Variants in PRX observed in about 807,000 individuals in gnomAD.
PRX encodes periaxin.
PRX carries 24 observed loss-of-function variants against 29.6 expected under a neutral mutation model. The ratio of observed to expected loss-of-function variants is 0.81; its 90% CI spans 0.59 to 1.14. The LOEUF is 1.14. Among genes scored for constraint, PRX ranks in the 50% most tolerant of loss-of-function variants. The pLI is 0.00. For missense variants in PRX, 1,838 were observed against 1,926.4 expected (o/e 0.95, Z 0.86); for synonymous variants, 772 against 831.7 (o/e 0.93, Z 1.24).
In PRX at chr19:40,397,429, G is replaced by T. The variant is rs763693439; in HGVS notation, c.923C>A (p.Thr308Lys). Residue 308 changes from threonine (T) to lysine (K), a missense_variant, in exon 7 of 7, where the codon ACA becomes AAA. Physicochemically the swap from Thr to Lys is moderately conservative, Grantham distance 78 (BLOSUM62 -1). Coordinates refer to ENST00000324001, the MANE Select transcript of PRX (RefSeq NM_181882.3). ...PALPSLPTLP[T>K]LPCLETREGA... ...TTCCCGGGTCTCTAGGCAGGGAAGT[G>T]TGGGCAGAGTGGGCAGTGAGGGCAA... The T allele has an allele frequency of 6.3e-7, 1 of 1,599,570 alleles. No individual in the cohort carries two copies. The highest frequency in any genetic ancestry group is 8.5e-7 in the Non-Finnish European group (1 of 1,174,058).
chr19:40,403,518 A>G (rs542511916), intron 5 of PRX, among the ~76,000 whole-genome samples, 188 bp downstream of exon 5: 5 of 152,232 alleles, frequency 3.3e-5, no homozygotes, highest in African/African-American at 9.6e-5. Context: ...TGAAATTCGC[A>G]CCCAGACAGT....
chr19:40,397,107 C>T lies in PRX; in HGVS notation c.1245G>A (p.Leu415=). 6.2e-7 allele frequency: 1 copy of T among 1,614,146 alleles called. No individual in the cohort carries two copies. The highest frequency in any genetic ancestry group is 2.2e-5 in the East Asian group (1 of 44,884). The part of the protein sequence containing the change: ...PAAPEVVESK[L]KLPTIKMPSL... The stretch of plus-strand genomic sequence containing the variant: ...AGGGCATCTTGATGGTGGGCAGCTT[C>T]AGCTTGCTCTCTACAACTTCAGGAG... The change falls in exon 7 of 7, where the codon CTG becomes CTA. Residue 415 remains leucine (L), a synonymous_variant. Coordinates refer to ENST00000324001, the MANE Select transcript of PRX (RefSeq NM_181882.3).
At position 40,395,413 on chromosome 19, in the gene PRX, G is replaced by A; in HGVS notation, c.2939C>T (p.Ala980Val). Residue 980 changes from alanine to valine, a missense_variant, in exon 7 of 7, where the codon GCT (alanine) becomes GTT (valine). Around this residue, in one of 3 missense-constraint regions of PRX, gnomAD observed 1,143 missense variants for 1,193.0 expected, o/e 0.96. Coordinates refer to ENST00000324001, the MANE Select transcript of PRX (RefSeq NM_181882.3). ...RVGAEAEAKG[A>V]GEAGLLPALD... ...GGCAGGCAGCAGGCCTGCCTCCCCA[G>A]CCCCTTTGGCCTCAGCCTCAGCCCC... The A allele has an allele frequency of 6.2e-7, 1 of 1,613,938 alleles. No individual in the cohort carries two copies. The highest frequency in any genetic ancestry group is 8.5e-7 in the Non-Finnish European group (1 of 1,179,966).
intron 1 of PRX, among the ~76,000 whole-genome samples, chr19:40,408,786 A>G (rs1002049772): frequency 2.7e-5 from 4 of 149,582 alleles, no homozygotes; most frequent in African/African-American, 1.0e-4. Context: ...GCATGCCACA[A>G]CACCCGGCTA....
rs2079462767 is a variant in PRX, at chr19:40,398,410, G to A, written c.381+210C>T. On this transcript the variant is annotated intron_variant, in intron 6 of 6. Transcript: ENST00000324001. This position sits in a 1 kb window ranked among gnomAD's most constrained non-coding sequence, Gnocchi z 6.3. ...TCCGATGGTGGGGACGCCTCTCCGA[G>A]GTGGGTGAGGGCCCTGGGCTGGGGT... 6 of 1,475,768 alleles carry A rather than the reference G, an allele frequency of 4.1e-6. No individual in the cohort carries two copies. The highest frequency in any genetic ancestry group is 5.0e-5 in the Admixed American group (2 of 39,950). The allele number at this position is 1,475,768 out of a possible 1,614,324, so 91.4% of individuals were successfully genotyped here.
At position 40,403,880 on chromosome 19, in the gene PRX, G is replaced by A. The variant is rs1367409358; in HGVS notation, c.28-18C>T. The A allele has an allele frequency of 3.1e-6, 5 of 1,604,518 alleles. No homozygotes were observed. Among genetic ancestry groups the A allele is most frequent in the South Asian group, 1.1e-5 (1 of 90,392 alleles). On this transcript the variant is annotated intron_variant, in intron 4 of 6. Transcript: ENST00000324001. ...CTCAGCTCCTGCAGAGGGCGGCGAG[G>A]TGTCGCGTTGGGGCTCTAGGGCCGG...
chr19:40,401,911 AC>A (rs763380919), intron 5 of PRX, among the ~76,000 whole-genome samples: 28 of 150,928 alleles, frequency 1.9e-4, no homozygotes, highest in Non-Finnish European at 3.5e-4. Context: ...CTACCACCAC[AC>A]CCGGCTAATT....
Position 40,395,049 on chromosome 19 carries a change from C to T in PRX, c.3303G>A (p.Leu1101=). ...CTTCCTCCTGGGCGCCCAGCGTGAC[C>T]AGCTCCACCTCGGGGATCTTAAGCT... ...AVQLKIPEVE[L]VTLGAQEEGR... Residue 1101 remains leucine (L), a synonymous_variant, in exon 7 of 7, where the codon CTG becomes CTA. Transcript: ENST00000324001. 6.2e-7 allele frequency: 1 copy of T among 1,612,154 alleles called. No homozygotes were observed. Among genetic ancestry groups the T allele is most frequent in the Non-Finnish European group, 8.5e-7 (1 of 1,179,978 alleles).
In PRX at chr19:40,395,796, G is replaced by A. The variant is rs775808575; in HGVS notation, c.2556C>T (p.Leu852=). 2 of 1,614,192 alleles carry A rather than the reference G, an allele frequency of 1.2e-6. No homozygotes were observed. The highest frequency in any genetic ancestry group is 2.2e-5 in the South Asian group (2 of 91,084). The change falls in exon 7 of 7, where the codon CTC becomes CTT. Residue 852 remains leucine, a synonymous_variant. Coordinates refer to ENST00000324001, the MANE Select transcript of PRX (RefSeq NM_181882.3). ...GGTCTAGCTCCACTGAAGGCAGAGT[G>A]AGAGAGGGGACACCCACATGAGCCT... ...DGEAHVGVPS[L]TLPSVELDLP... is the part of the protein sequence containing the mutation.
At chr19:40,409,252 G>T (rs1364217172) in intron 1 of PRX, among the ~76,000 whole-genome samples, 1 of 152,000 alleles carries the variant, frequency 6.6e-6, no homozygotes, top group Non-Finnish European at 1.5e-5. Context: ...TCCTGCCTCA[G>T]CCTCTTGATG....
At chr19:40,406,766 C>T (rs1360513470) in intron 4 of PRX, among the ~76,000 whole-genome samples, 1 of 138,796 alleles carries the variant, frequency 7.2e-6, no homozygotes, top group African/African-American at 3.1e-5. Context: ...TCATTACCTC[C>T]ATTTCTTTTT....
Position 40,394,186 on chromosome 19 carries a change from G to A in PRX, c.4166C>T (p.Ala1389Val). ...PRVGLAAPSKASRGQEGDAAP... is the reference protein window; with the variant it reads ...PRVGLAAPSKVSRGQEGDAAP... ...TGCATCGCCCTCCTGCCCCCGAGAGGCTTTAGAAGGGGCCGCCAGGCCTAC... is the reference window on the plus strand; with the variant it reads ...TGCATCGCCCTCCTGCCCCCGAGAGACTTTAGAAGGGGCCGCCAGGCCTAC... The change falls in exon 7 of 7, where the codon GCC (alanine) becomes GTC (valine). Residue 1389 changes from alanine to valine, a missense_variant. This residue lies in a region of PRX where 1,143 missense variants were observed against 1,193.0 expected (regional missense o/e 0.96). Coordinates refer to ENST00000324001, the MANE Select transcript of PRX (RefSeq NM_181882.3). This position sits in a 1 kb window ranked among gnomAD's most constrained non-coding sequence, Gnocchi z 5.8. The A allele has an allele frequency of 6.3e-7, 1 of 1,589,556 alleles. No individual in the cohort carries two copies. Among genetic ancestry groups the A allele is most frequent in the Middle Eastern group, 1.7e-4 (1 of 5,924 alleles).
chr19:40,394,778 G>C lies in PRX; in HGVS notation c.3574C>G (p.Leu1192Val). Residue 1192 changes from leucine (L) to valine (V), a missense_variant, in exon 7 of 7, where the codon CTG (leucine) becomes GTG (valine). Physicochemically the swap from Leu to Val is conservative, Grantham distance 32 (BLOSUM62 1). Transcript: ENST00000324001. The surrounding 1 kb of genome is among the most constrained non-coding windows in gnomAD (Gnocchi z 5.8). ...GYRVQVPQVT[L>V]SLPGAQVAGG... is the part of the protein sequence containing the mutation. The stretch of plus-strand genomic sequence containing the variant: ...GCAACCTGGGCTCCAGGCAGAGACA[G>C]GGTCACCTGGGGCACCTGAACCCTG... 6.2e-7 allele frequency: 1 copy of C among 1,613,660 alleles called. No homozygotes were observed. Among genetic ancestry groups the C allele is most frequent in the African/African-American group, 1.3e-5 (1 of 75,056 alleles).
chr19:40,412,487 G>A (rs979962851), intron 1 of PRX, among the ~76,000 whole-genome samples: 10 of 152,100 alleles, frequency 6.6e-5, no homozygotes, highest in Non-Finnish European at 8.8e-5. Context: ...ATATAAACTC[G>A]TCTCTGACAG....
intron 1 of PRX, among the ~76,000 whole-genome samples, chr19:40,410,268 A>G (rs2079552571): frequency 6.6e-6 from 1 of 151,986 alleles, no homozygotes; most frequent in Non-Finnish European, 1.5e-5. Context: ...CAACCCGCCA[A>G]CCCCTATTGC....
Position 40,394,611 on chromosome 19 carries a change from C to T in PRX, c.3741G>A (p.Leu1247=). 2 of 1,607,834 alleles carry T rather than the reference C, an allele frequency of 1.2e-6. No individual in the cohort carries two copies. Among genetic ancestry groups the T allele is most frequent in the Non-Finnish European group, 1.7e-6 (2 of 1,179,242 alleles). The change falls in exon 7 of 7, where the codon TTG becomes TTA. Residue 1247 remains leucine (L), a synonymous_variant. Transcript: ENST00000324001. The surrounding 1 kb of genome is among the most constrained non-coding windows in gnomAD (Gnocchi z 5.8). ...CCCTAGCTCTGGCCCCCAGTGTGGG[C>T]AACTTCAGCCTCAGCCCACCCTCGC... ...ATGEGGLRLK[L]PTLGARARVG...
In PRX at chr19:40,399,897, TTCTTTCTTTTTC is replaced by T. The variant is rs758465305; in HGVS notation, c.185-1093_185-1082del. On this transcript the variant is annotated intron_variant, in intron 5 of 6. Coordinates refer to ENST00000324001, the MANE Select transcript of PRX (RefSeq NM_181882.3). ...TTTCTTTCTTTCTTTCTTTCTTTCT[TTCTTTCTTTTTC>T]TTTCTTTCTTTCTTTCACCCAGCTT... is the stretch of plus-strand genomic sequence containing the variant. Among the ~76,000 whole-genome samples the T allele has an allele frequency of 2.5e-3, 165 of 65,308 alleles. 2 individuals are homozygous for T. The highest frequency in any genetic ancestry group is 0.014 in the African/African-American group (102 of 7,074). The allele number at this position is 65,308 out of a possible 152,430, so 42.8% of individuals were successfully genotyped here.
intron 1 of PRX, among the ~76,000 whole-genome samples, chr19:40,412,272 G>A (rs139802080): frequency 2.4e-4 from 36 of 152,298 alleles, no homozygotes; most frequent in South Asian, 1.7e-3. Flanking sequence ...TAGGGGGTCA[G>A]GGGGAGTTAA....
upstream of PRX, among the ~76,000 whole-genome samples, chr19:40,414,455 T>C: frequency 6.6e-6 from 1 of 151,966 alleles, no homozygotes; most frequent in African/African-American, 2.4e-5. Context: ...GGCCAGGAGG[T>C]GGTGAAGCTG....
Sources: gnomAD v4.1 joint callset for allele counts (sites outside exome capture counted in the v4.1 genomes callset) on GRCh38, gnomAD v4.1.1 for gene constraint, gnomAD v4.1.1 regional missense constraint, Gnocchi (gnomAD v3.1) non-coding constraint, MANE v1.5 for transcripts, NCBI Gene and HGNC (gene_info 2026-07-23, HGNC 2026-07-21) for gene names.